Variants in TIA1 observed in about 807,000 individuals in gnomAD.
TIA1 encodes cytotoxic granule associated RNA binding protein TIA1.
A neutral mutation model predicts 65.9 loss-of-function variants in TIA1; 23 were observed. That is an observed-to-expected ratio of 0.35 (90% CI 0.25 to 0.49). TIA1 has a LOEUF of 0.49. TIA1 is among the 20% of genes least tolerant of loss of function. The pLI is 0.98. For missense variants in TIA1, 371 were observed against 477.9 expected (o/e 0.78, Z 2.09); for synonymous variants, 147 against 149.4 (o/e 0.98, Z 0.12).
At position 70,228,603 on chromosome 2, in the gene TIA1, A is replaced by G. The variant is rs543946424; in HGVS notation, c.310+456T>C. On this transcript the variant is annotated intron_variant, in intron 5 of 12. Coordinates refer to ENST00000433529, the MANE Select transcript of TIA1 (RefSeq NM_022173.4). The stretch of plus-strand genomic sequence containing the variant: ...AAAAAAGAAACACTTTAAAAATGCA[A>G]AATTGTTGGACCAACACTTTAAAAT... 10 of 1,114,532 alleles carry G rather than the reference A, an allele frequency of 9.0e-6. No individual in the cohort carries two copies. The African/African-American group carries it at 1.0e-4, about 11-fold the overall frequency. The allele number at this position is 1,114,532 out of a possible 1,614,324, so 69.0% of individuals were successfully genotyped here. A position where few individuals can be genotyped will look rare whatever the true frequency, so the allele number is the denominator to read the frequency against.
Position 70,238,921 on chromosome 2 carries a change from A to G in TIA1, c.27-2746T>C, listed in dbSNP as rs191251172. On this transcript the variant is annotated intron_variant, in intron 1 of 12. Transcript: ENST00000433529. ...AAAAATAAAGATAAAAAATTAGCGGACATGGTGGCACTATGTCCCATGGCA... is the reference window on the plus strand; with the variant it reads ...AAAAATAAAGATAAAAAATTAGCGGGCATGGTGGCACTATGTCCCATGGCA... 6.6e-3 allele frequency among the ~76,000 whole-genome samples: 1,010 copies of G among 152,130 alleles called. 10 individuals are homozygous for G. Among genetic ancestry groups the G allele is most frequent in the African/African-American group, 0.021 (884 of 41,506 alleles).
At chr2:70,230,018 C>A (rs190058821) in intron 3 of TIA1, among the ~76,000 whole-genome samples, 1 of 151,258 alleles carries the variant, frequency 6.6e-6, no homozygotes, top group Non-Finnish European at 1.5e-5. Context: ...ACGGGCAGAT[C>A]GGATCATGAG....
rs147215901 is a variant in TIA1, at chr2:70,216,467, C to A, written c.616G>T (p.Val206Leu). 3 of 1,613,848 alleles carry A rather than the reference C, an allele frequency of 1.9e-6. No individual in the cohort carries two copies. The African/African-American group carries it at 4.0e-5, about 22-fold the overall frequency. The change falls in exon 9 of 13, where the codon GTA becomes TTA. Residue 206 changes from valine to leucine, a missense_variant. Physicochemically the swap from Val to Leu is conservative, Grantham distance 32 (BLOSUM62 1). Transcript: ENST00000433529. ...NTKQLSYDEVVNQSSPSNCTV... is the reference protein window; with the variant it reads ...NTKQLSYDEVLNQSSPSNCTV... ...CAGTTGCTTGGACTAGACTGATTTA[C>A]AACCTCATCATATGATAGCTGTTTG...
chr2:70,228,920 GA>G, intron 5 of TIA1, 138 bp downstream of exon 5: 3 of 1,463,140 alleles, frequency 2.1e-6, no homozygotes, highest in Non-Finnish European at 1.8e-6. Context: ...TGAGAAGGGA[GA>G]AAAGTATTGC....
At chr2:70,220,205 C>T (rs551429804) in intron 7 of TIA1, among the ~76,000 whole-genome samples, 2 of 151,936 alleles carry the variant, frequency 1.3e-5, no homozygotes, top group Admixed American at 6.6e-5. Context: ...CCCAGGAGTT[C>T]GAGACCAGCC....
intron 1 of TIA1, among the ~76,000 whole-genome samples, chr2:70,242,997 C>A (rs897825874): frequency 2.0e-5 from 3 of 152,102 alleles, no homozygotes; most frequent in Admixed American, 6.6e-5. Context: ...ATATTTATTG[C>A]TCTATAAATA....
At chr2:70,247,282 C>T (rs1694785504) in intron 1 of TIA1, among the ~76,000 whole-genome samples, 1 of 152,080 alleles carries the variant, frequency 6.6e-6, no homozygotes, top group African/African-American at 2.4e-5. Flanking sequence ...AACCACATTT[C>T]CAATATAGAC....
At chr2:70,248,276 T>G in intron 1 of TIA1, 129 bp downstream of exon 1, 7 of 1,087,660 alleles carry the variant, frequency 6.4e-6, no homozygotes, top group Non-Finnish European at 9.0e-6. Flanking sequence ...TCCAGGTGCA[T>G]GCTAAGGAAA....
At chr2:70,246,629 T>TA (rs747981627) in intron 1 of TIA1, among the ~76,000 whole-genome samples, 52 of 152,212 alleles carry the variant, frequency 3.4e-4, no homozygotes, top group Non-Finnish European at 6.8e-4. Flanking sequence ...CTCACACCTG[T>TA]AATCCCAGCA....
intron 7 of TIA1, among the ~76,000 whole-genome samples, chr2:70,219,971 T>C (rs2104083509): frequency 6.6e-6 from 1 of 152,308 alleles, no homozygotes; most frequent in Middle Eastern, 3.4e-3. Flanking sequence ...TGTTGAATTG[T>C]GTCCCTCAAA....
intron 3 of TIA1, 134 bp from the exon 4 acceptor site, chr2:70,229,452 A>C: frequency 1.4e-6 from 1 of 715,862 alleles, no homozygotes; most frequent in Non-Finnish European, 2.3e-6. Context: ...GTCAAGTTTC[A>C]ACACTTAATC....
chr2:70,219,476 T>C (rs1200639377), intron 7 of TIA1, among the ~76,000 whole-genome samples: 3 of 152,104 alleles, frequency 2.0e-5, no homozygotes, highest in African/African-American at 7.2e-5. Flanking sequence ...TCTTGAAATA[T>C]GAAAACGAAA....
intron 2 of TIA1, among the ~76,000 whole-genome samples, chr2:70,232,468 A>G (rs1019185260): frequency 2.5e-5 from 3 of 117,650 alleles, no homozygotes; most frequent in African/African-American, 3.3e-5. Flanking sequence ...TGAACCCTGG[A>G]GGCGAAGGTT....
rs762951572 is a variant in TIA1, at chr2:70,236,066, A to C, written c.123+13T>G. The stretch of plus-strand genomic sequence containing the variant: ...AAAAAAAGAATAAAGTTAACTAAGT[A>C]AAATACCCTTACATCCATAATCATT... On this transcript the variant is annotated intron_variant, in intron 2 of 12. Transcript: ENST00000433529. 1 of 1,521,336 alleles carries C rather than the reference A, an allele frequency of 6.6e-7. No homozygotes were observed. Among genetic ancestry groups the C allele is most frequent in the Non-Finnish European group, 9.0e-7 (1 of 1,114,140 alleles). 94.2% of individuals were successfully genotyped at this position (1,521,336 alleles called of 1,614,324 possible). A position where few individuals can be genotyped will look rare whatever the true frequency, so the allele number is the denominator to read the frequency against.
chr2:70,221,607 TAC>T (rs1681417902), intron 7 of TIA1, among the ~76,000 whole-genome samples: 1 of 152,094 alleles, frequency 6.6e-6, no homozygotes, highest in African/African-American at 2.4e-5. Context: ...CAGGGAAATC[TAC>T]AGAGACAGAA....
chr2:70,215,306 A>T lies in TIA1; in HGVS notation c.888+65T>A, dbSNP rs1460663125. 14 of 1,595,532 alleles carry T rather than the reference A, an allele frequency of 8.8e-6. No homozygotes were observed. The East Asian group carries it at 2.0e-4, about 23-fold the overall frequency. Reference sequence around the variant, plus strand: ...AAACTTATTAACAAGGATTATCAACAATCTTCACCTTAAAATAACATTATT... The same window carrying T: ...AAACTTATTAACAAGGATTATCAACTATCTTCACCTTAAAATAACATTATT... On this transcript the variant is annotated intron_variant, in intron 11 of 12. Transcript: ENST00000433529.
intron 7 of TIA1, among the ~76,000 whole-genome samples, chr2:70,220,915 C>A (rs1396139962): frequency 6.6e-6 from 1 of 151,610 alleles, no homozygotes; most frequent in Non-Finnish European, 1.5e-5. Flanking sequence ...CCTATAACCC[C>A]ACCACTTTGG....
chr2:70,236,954 T>C (rs1270082728), intron 1 of TIA1, among the ~76,000 whole-genome samples: 1 of 152,218 alleles, frequency 6.6e-6, no homozygotes, highest in Non-Finnish European at 1.5e-5. Context: ...CATTTTTAAT[T>C]TGCTTATTCT....
intron 6 of TIA1, among the ~76,000 whole-genome samples, chr2:70,225,662 T>C (rs146576554): frequency 3.3e-5 from 5 of 152,342 alleles, no homozygotes; most frequent in African/African-American, 1.2e-4. Context: ...GAGTGATTTA[T>C]TAAGTGTTCA....
Sources: allele counts gnomAD v4.1 joint callset (sites outside exome capture counted in the v4.1 genomes callset), GRCh38; gene constraint gnomAD v4.1.1; transcripts MANE v1.5; gene names NCBI Gene and HGNC (gene_info 2026-07-23, HGNC 2026-07-21).